Variants in PIP5K1C observed in about 807,000 individuals in gnomAD.
PIP5K1C encodes the protein phosphatidylinositol-4-phosphate 5-kinase type 1 gamma, also known as phosphatidylinositol 4-phosphate 5-kinase type-1 gamma.
In PIP5K1C, 45 loss-of-function variants were observed where a neutral mutation model predicts 80.1. That is an observed-to-expected ratio of 0.56 (90% CI 0.44 to 0.72). The LOEUF is 0.72. PIP5K1C is among the 30% of genes least tolerant of loss of function. The probability of loss-of-function intolerance (pLI) is 0.00; values close to 1 mark genes in which losing one functional copy is unlikely to be tolerated. For synonymous variants in PIP5K1C, 498 were observed against 420.1 expected (o/e 1.19, Z -2.27); for missense variants, 753 against 954.6 (o/e 0.79, Z 2.78).
At chr19:3,668,782 G>GGGC (rs1292694368) in intron 1 of PIP5K1C, among the ~76,000 whole-genome samples, 1 of 152,184 alleles carries the variant, frequency 6.6e-6, no homozygotes, top group Non-Finnish European at 1.5e-5. Context: ...CAGCAAGGGG[G>GGGC]GGCTTCCCTG....
intron 8 of PIP5K1C, chr19:3,650,069 G>C (rs936528227): frequency 6.3e-6 from 1 of 159,408 alleles, no homozygotes; most frequent in Non-Finnish European, 1.4e-5. Flanking sequence ...CCTGGCCTTG[G>C]CTCCCGCACC....
chr19:3,694,301 C>T (rs2036036575), intron 1 of PIP5K1C, among the ~76,000 whole-genome samples: 1 of 152,134 alleles, frequency 6.6e-6, no homozygotes, highest in Non-Finnish European at 1.5e-5. Flanking sequence ...GCTCAGCCCA[C>T]ACCAGGCCCT....
At position 3,648,823 on chromosome 19, in the gene PIP5K1C, G is replaced by T; in HGVS notation, c.1128-115C>A. ...ATCTGCTCCTGTGGGTGGCAACTTG[G>T]CCAAGCTCTCGGAGTGGGGCCTGGC... On this transcript the variant is annotated intron_variant, in intron 8 of 17. Transcript: ENST00000335312. This position sits in a 1 kb window ranked among gnomAD's most constrained non-coding sequence, Gnocchi z 4.3. 1 of 849,240 alleles carries T rather than the reference G, an allele frequency of 1.2e-6. No homozygotes were observed. The highest frequency in any genetic ancestry group is 1.9e-6 in the Non-Finnish European group (1 of 514,588). 52.6% of individuals were successfully genotyped at this position (849,240 alleles called of 1,614,324 possible).
rs532272770 is a variant in PIP5K1C, at chr19:3,686,293, G to A, written c.94+14004C>T. On this transcript the variant is annotated intron_variant, in intron 1 of 17. Coordinates refer to ENST00000335312, the MANE Select transcript of PIP5K1C (RefSeq NM_012398.3). ...AAATTAGCCGGGCGTGGTGGCGGGCGCCTGTAGTCCCAGCTACTCAGGAGG... is the reference window on the plus strand; with the variant it reads ...AAATTAGCCGGGCGTGGTGGCGGGCACCTGTAGTCCCAGCTACTCAGGAGG... Among the ~76,000 whole-genome samples, 395 of 152,034 alleles carry A rather than the reference G, an allele frequency of 2.6e-3. 2 individuals carry two copies. The South Asian group carries it at 0.03, about 12-fold the overall frequency.
In PIP5K1C at chr19:3,656,508, C is replaced by A; in HGVS notation, c.518G>T (p.Ser173Ile). The A allele has an allele frequency of 6.2e-7, 1 of 1,613,894 alleles. No individual in the cohort carries two copies. The highest frequency in any genetic ancestry group is 8.5e-7 in the Non-Finnish European group (1 of 1,180,018). The part of the protein sequence containing the change: ...PLIELSNPGA[S>I]GSLFYVTSDD... ...GCTGGTGACGTAGAAGAGGGAGCCA[C>A]TGGCGCCCGGGTTGGACAGCTCGAT... The change falls in exon 6 of 18, where the codon AGT becomes ATT. Residue 173 changes from serine (S) to isoleucine (I), a missense_variant. Physicochemically the swap from Ser to Ile is moderately radical, Grantham distance 142. Transcript: ENST00000335312.
In PIP5K1C at chr19:3,644,151, G is replaced by T. The variant is rs555514349; in HGVS notation, c.1446C>A (p.Ser482Arg). 1.9e-5 allele frequency: 31 copies of T among 1,612,114 alleles called. No homozygotes were observed. The highest frequency in any genetic ancestry group is 5.0e-5 in the Admixed American group (3 of 60,016). ...TAAFSASQIPSEREEAQYDLR... is the reference protein window; with the variant it reads ...TAAFSASQIPREREEAQYDLR... Reference sequence around the variant, plus strand: ...GGTCGTACTGGGCCTCCTCCCGCTCGCTAGGGATCTGGCTGGCCGAGAAGG... The same window carrying T: ...GGTCGTACTGGGCCTCCTCCCGCTCTCTAGGGATCTGGCTGGCCGAGAAGG... The change falls in exon 12 of 18, where the codon AGC becomes AGA. Residue 482 changes from serine (S) to arginine (R), a missense_variant. Transcript: ENST00000335312.
chr19:3,633,717 G>C (rs1187078493), intron 16 of PIP5K1C, among the ~76,000 whole-genome samples, 197 bp from the exon 17 acceptor site: 2 of 152,088 alleles, frequency 1.3e-5, no homozygotes, highest in African/African-American at 2.4e-5. Context: ...TGGGGCCTCA[G>C]CTCAGCTTGG....
intron 1 of PIP5K1C, among the ~76,000 whole-genome samples, chr19:3,670,983 T>A (rs1278822227): frequency 1.3e-5 from 2 of 152,230 alleles, no homozygotes; most frequent in Non-Finnish European, 2.9e-5. Context: ...CGGAAGGTGC[T>A]GGACGCTGAC....
chr19:3,662,057 C>G, intron 3 of PIP5K1C, 56 bp from the exon 4 acceptor site: 21 of 1,533,732 alleles, frequency 1.4e-5, no homozygotes, highest in Non-Finnish European at 1.8e-5. Context: ...TGCCCTGCAC[C>G]CCCTGTGTGC....
chr19:3,699,011 C>G (rs1483163789), intron 1 of PIP5K1C, among the ~76,000 whole-genome samples: 1 of 149,298 alleles, frequency 6.7e-6, no homozygotes, highest in Non-Finnish European at 1.5e-5. Context: ...TTTATCTGTC[C>G]CCGGTGCTCC....
intron 1 of PIP5K1C, 112 bp from the exon 2 acceptor site, chr19:3,667,465 C>G: frequency 8.7e-7 from 1 of 1,150,490 alleles, no homozygotes; most frequent in South Asian, 1.2e-5. Context: ...TGTAACTCCG[C>G]GTGGGGCTGG....
chr19:3,674,130 T>G (rs1031021923), intron 1 of PIP5K1C: 4 of 152,218 alleles, frequency 2.6e-5, no homozygotes, highest in African/African-American at 9.7e-5. Flanking sequence ...CAGCTGTTCC[T>G]GCCATCCTGG....
At position 3,657,625 on chromosome 19, in the gene PIP5K1C, G is replaced by A. The variant is rs577145183; in HGVS notation, c.469-1068C>T. On this transcript the variant is annotated intron_variant, in intron 5 of 17. Transcript: ENST00000335312. Reference sequence around the variant, plus strand: ...GTCCACGAGAGTCAGGAGTGGTGGCGAGCAGAAGCGAGGGGAGGCCAGGCA... The same window carrying A: ...GTCCACGAGAGTCAGGAGTGGTGGCAAGCAGAAGCGAGGGGAGGCCAGGCA... 1.1e-4 allele frequency among the ~76,000 whole-genome samples: 17 copies of A among 152,178 alleles called. No individual in the cohort carries two copies. In the East Asian group the frequency reaches 3.1e-3, roughly 28 times the overall value.
rs541544068 is a variant in PIP5K1C, at chr19:3,677,371, C to T, written c.95-10018G>A. Among the ~76,000 whole-genome samples the T allele has an allele frequency of 1.2e-3, 186 of 152,238 alleles. 2 individuals carry two copies. The highest frequency in any genetic ancestry group is 4.4e-3 in the African/African-American group (182 of 41,550). The stretch of plus-strand genomic sequence containing the variant: ...GCCGAGGCAGGCGGGTCACTTGAGC[C>T]CAGGAGTTAGAGACCAGCCTGGCCA... On this transcript the variant is annotated intron_variant, in intron 1 of 17. Transcript: ENST00000335312.
rs138797648 is a variant in PIP5K1C, at chr19:3,639,040, G to A, written c.1788-24C>T. ...CCCTGGGGACAGGAGTAGACAGAGG[G>A]TCTTGACCCTCAGGCCCCACACGGA... On this transcript the variant is annotated intron_variant, in intron 15 of 17. Coordinates refer to ENST00000335312, the MANE Select transcript of PIP5K1C (RefSeq NM_012398.3). 287 of 1,607,724 alleles carry A rather than the reference G, an allele frequency of 1.8e-4. 1 individual carries two copies. The African/African-American group carries it at 3.3e-3, about 19-fold the overall frequency.
intron 1 of PIP5K1C, chr19:3,673,660 G>GGAA (rs1335307161): frequency 6.6e-6 from 1 of 152,298 alleles, no homozygotes; most frequent in Non-Finnish European, 1.5e-5. Flanking sequence ...CCCACAAGCA[G>GGAA]GAAGCAACCC....
At chr19:3,690,593 C>T (rs1228668465) in intron 1 of PIP5K1C, among the ~76,000 whole-genome samples, 1 of 151,948 alleles carries the variant, frequency 6.6e-6, no homozygotes, top group East Asian at 1.9e-4. Flanking sequence ...ATTCATGACA[C>T]CAAACTAGGA....
chr19:3,630,966 C>A lies in PIP5K1C; in HGVS notation c.*2201G>T, dbSNP rs1012108391. The A allele has an allele frequency of 2.6e-5, 4 of 152,302 alleles. No individual in the cohort carries two copies. Among genetic ancestry groups the A allele is most frequent in the African/African-American group, 9.7e-5 (4 of 41,448 alleles). 9.4% of individuals were successfully genotyped at this position (152,302 alleles called of 1,614,324 possible). On this transcript the variant is annotated 3_prime_UTR_variant, in exon 18 of 18. Transcript: ENST00000335312. Reference sequence around the variant, plus strand: ...CCGCCCCTCGGCACAGTCAGTGGAGCACGTCAGCCTCGGTTTACAGTTCTC... The same window carrying A: ...CCGCCCCTCGGCACAGTCAGTGGAGAACGTCAGCCTCGGTTTACAGTTCTC...
chr19:3,643,531 G>A, intron 12 of PIP5K1C, 150 bp from the exon 13 acceptor site: 1 of 886,788 alleles, frequency 1.1e-6, no homozygotes, highest in Non-Finnish European at 1.7e-6. Flanking sequence ...CGGCAGGGAA[G>A]GACGACGTTC....
Sources: allele counts gnomAD v4.1 joint callset (sites outside exome capture counted in the v4.1 genomes callset), GRCh38; gene constraint gnomAD v4.1.1; non-coding constraint Gnocchi (gnomAD v3.1); transcripts MANE v1.5; gene names NCBI Gene and HGNC (gene_info 2026-07-23, HGNC 2026-07-21).